The following HDGFL2 variants were observed in gnomAD, a reference collection of about 807,000 sequenced individuals.
HDGFL2 encodes the protein HDGF like 2.
HDGFL2 carries 36 observed loss-of-function variants against 77.1 expected under a neutral mutation model. That is an observed-to-expected ratio of 0.47 (90% CI 0.36 to 0.62). HDGFL2 has a LOEUF of 0.62. Among genes scored for constraint, HDGFL2 ranks in the 20% least tolerant of loss-of-function variants. The pLI is 0.00. For synonymous variants in HDGFL2, 463 were observed against 413.1 expected (o/e 1.12, Z -1.46); for missense variants, 976 against 973.4 (o/e 1.00, Z -0.04).
At chr19:4,492,214 TCGA>T (rs1226390840) in intron 6 of HDGFL2, among the ~76,000 whole-genome samples, 4 of 152,092 alleles carry the variant, frequency 2.6e-5, no homozygotes, top group Non-Finnish European at 4.4e-5. Flanking sequence ...TGCACGTGTG[TCGA>T]CGTGCATGTG....
intron 1 of HDGFL2, chr19:4,474,997 G>T: frequency 4.7e-6 from 2 of 428,640 alleles, no homozygotes; most frequent in Non-Finnish European, 8.5e-6. Flanking sequence ...CCACCCCCTG[G>T]TTGCTTCAGA....
intron 3 of HDGFL2, among the ~76,000 whole-genome samples, chr19:4,485,340 C>A (rs1445071514): frequency 6.6e-6 from 1 of 152,150 alleles, no homozygotes; most frequent in Non-Finnish European, 1.5e-5. Context: ...GGGTCAGAGC[C>A]TCGTTTCTTT....
Position 4,494,234 on chromosome 19 carries a change from A to T in HDGFL2, c.983A>T (p.Glu328Val). The change falls in exon 9 of 16, where the codon GAG (glutamate) becomes GTG (valine). Residue 328 changes from glutamate (E) to valine (V), a missense_variant. Glu to Val is a moderately radical substitution (Grantham distance 121). This residue lies in a region of HDGFL2 where 567 missense variants were observed against 534.7 expected (regional missense o/e 1.06). Coordinates refer to ENST00000616600, the MANE Select transcript of HDGFL2 (RefSeq NM_001001520.3). ...GACGAGGCGCGGAGGCGCGAGCTGG[A>T]GGCCCGGCGGCGGCGAGAGCAGGAG... ...RRDEARRREL[E>V]ARRRREQEEE... 1 of 1,461,854 alleles carries T rather than the reference A, an allele frequency of 6.8e-7. No individual in the cohort carries two copies. The highest frequency in any genetic ancestry group is 9.0e-7 in the Non-Finnish European group (1 of 1,110,630). The allele number at this position is 1,461,854 out of a possible 1,614,324, so 90.6% of individuals were successfully genotyped here.
intron 3 of HDGFL2, among the ~76,000 whole-genome samples, chr19:4,483,558 T>G (rs551325936): frequency 1.3e-5 from 2 of 152,222 alleles, no homozygotes; most frequent in Admixed American, 1.3e-4. Context: ...CACCGTGTAC[T>G]CCCTGCTCCC....
chr19:4,479,380 G>C (rs566675289), intron 3 of HDGFL2, among the ~76,000 whole-genome samples: 1 of 150,950 alleles, frequency 6.6e-6, no homozygotes, highest in Non-Finnish European at 1.5e-5. Context: ...TCAGGTGATC[G>C]AGACCATCCT....
chr19:4,490,392 T>G (rs1975476270), intron 4 of HDGFL2, among the ~76,000 whole-genome samples: 1 of 152,224 alleles, frequency 6.6e-6, no homozygotes, highest in African/African-American at 2.4e-5. Context: ...GCTGCCTCCC[T>G]TCCTTTTCCT....
Position 4,494,055 on chromosome 19 carries a change from C to T in HDGFL2, c.912C>T (p.Asp304=), listed in dbSNP as rs1351309982. The T allele has an allele frequency of 6.2e-7, 1 of 1,605,306 alleles. No homozygotes were observed. Among genetic ancestry groups the T allele is most frequent in the South Asian group, 1.1e-5 (1 of 89,696 alleles). Residue 304 remains aspartate (D), a splice_region_variant and synonymous_variant, in exon 8 of 16, where the codon GAC becomes GAT. Coordinates refer to ENST00000616600, the MANE Select transcript of HDGFL2 (RefSeq NM_001001520.3). The part of the protein sequence containing the change: ...PERPPSSSSS[D]SDSDEVDRIS... Reference sequence around the variant, plus strand: ...GGCCTCCGTCCAGCTCCAGCAGTGACAGGTGGGTGCTGGGGCTGGGGTCCC... The same window carrying T: ...GGCCTCCGTCCAGCTCCAGCAGTGATAGGTGGGTGCTGGGGCTGGGGTCCC...
Position 4,502,196 on chromosome 19 carries a change from T to A in HDGFL2, c.*186T>A. ...ACATGAAATGACTATAAATGGTTTT[T>A]TAATGAAAAAAGAAATCACTTTTAT... is the stretch of plus-strand genomic sequence containing the variant. On this transcript the variant is annotated 3_prime_UTR_variant, in exon 16 of 16. Transcript: ENST00000616600. 1 of 671,848 alleles carries A rather than the reference T, an allele frequency of 1.5e-6. No individual in the cohort carries two copies. The highest frequency in any genetic ancestry group is 2.7e-6 in the Non-Finnish European group (1 of 376,874). 41.6% of individuals were successfully genotyped at this position (671,848 alleles called of 1,614,324 possible).
intron 10 of HDGFL2, 59 bp downstream of exon 10, chr19:4,496,464 A>G: frequency 1.6e-6 from 2 of 1,288,322 alleles, no homozygotes; most frequent in Non-Finnish European, 2.2e-6. Context: ...TCACCCCACA[A>G]CCCTCACCCC....
At position 4,475,524 on chromosome 19, in the gene HDGFL2, T is replaced by C; in HGVS notation, c.229T>C (p.Phe77Leu). 1 of 1,602,742 alleles carries C rather than the reference T, an allele frequency of 6.2e-7. No homozygotes were observed. Among genetic ancestry groups the C allele is most frequent in the Non-Finnish European group, 8.5e-7 (1 of 1,177,112 alleles). ...KYGKPNKRKG[F>L]NEGLWEIQNN... ...CGGGAAGCCCAACAAGAGGAAAGGCTTCAATGAAGGGCTGTGGGAGATCCA... is the reference window on the plus strand; with the variant it reads ...CGGGAAGCCCAACAAGAGGAAAGGCCTCAATGAAGGGCTGTGGGAGATCCA... Residue 77 changes from phenylalanine (F) to leucine (L), a missense_variant, in exon 3 of 16, where the codon TTC becomes CTC. By Grantham distance (22) the Phe-to-Leu change is conservative. Coordinates refer to ENST00000616600, the MANE Select transcript of HDGFL2 (RefSeq NM_001001520.3).
intron 9 of HDGFL2, among the ~76,000 whole-genome samples, chr19:4,495,713 G>A (rs1220899816): frequency 6.6e-6 from 1 of 152,132 alleles, no homozygotes. Context: ...TCACTCGGGT[G>A]CTCTCGGGTG....
In HDGFL2 at chr19:4,493,857, A is replaced by G; in HGVS notation, c.833A>G (p.Lys278Arg). 1.3e-6 allele frequency: 2 copies of G among 1,507,082 alleles called. No individual in the cohort carries two copies. The highest frequency in any genetic ancestry group is 1.8e-6 in the Non-Finnish European group (2 of 1,121,180). The allele number at this position is 1,507,082 out of a possible 1,614,324, so 93.4% of individuals were successfully genotyped here. A position where few individuals can be genotyped will look rare whatever the true frequency, so the allele number is the denominator to read the frequency against. Reference protein sequence around the residue: ...VSVKKPPRGRKPAEKPLPKPR... With the variant: ...VSVKKPPRGRRPAEKPLPKPR... Reference sequence around the variant, plus strand: ...GTGAAGAAGCCTCCGAGGGGCAGGAAGCCAGGTAGGGCCCTCGTGCTCGCA... The same window carrying G: ...GTGAAGAAGCCTCCGAGGGGCAGGAGGCCAGGTAGGGCCCTCGTGCTCGCA... Residue 278 changes from lysine (K) to arginine (R), a missense_variant, in exon 7 of 16, where the codon AAG (lysine) becomes AGG (arginine). This residue lies in a region of HDGFL2 where 567 missense variants were observed against 534.7 expected (regional missense o/e 1.06). Transcript: ENST00000616600.
intron 6 of HDGFL2, among the ~76,000 whole-genome samples, chr19:4,492,608 G>C (rs1975547816): frequency 6.6e-6 from 1 of 151,196 alleles, no homozygotes; most frequent in Admixed American, 6.6e-5. Flanking sequence ...TGTTGTCTGT[G>C]TGTTATCTGT....
intron 13 of HDGFL2, 42 bp from the exon 14 acceptor site, chr19:4,499,449 C>T (rs763367519): frequency 4.4e-6 from 7 of 1,582,524 alleles, no homozygotes; most frequent in East Asian, 4.5e-5. Flanking sequence ...GGGCTAGGGC[C>T]GCTGCACTTG....
chr19:4,490,540 G>A (rs1975479930), intron 4 of HDGFL2, among the ~76,000 whole-genome samples: 1 of 152,216 alleles, frequency 6.6e-6, no homozygotes, highest in Admixed American at 6.6e-5. Context: ...TTGTGCAGAT[G>A]TGTGTGTTCC....
At chr19:4,479,930 C>T (rs957644544) in intron 3 of HDGFL2, among the ~76,000 whole-genome samples, 2 of 149,844 alleles carry the variant, frequency 1.3e-5, no homozygotes, top group East Asian at 3.9e-4. Context: ...AAAAAATTTG[C>T]TTAGATGCCC....
chr19:4,484,953 G>T (rs1404596085), intron 3 of HDGFL2, among the ~76,000 whole-genome samples: 1 of 151,982 alleles, frequency 6.6e-6, no homozygotes, highest in Non-Finnish European at 1.5e-5. Flanking sequence ...TTACAGGCAT[G>T]AGCCACCGTG....
At chr19:4,489,064 C>G (rs1010172344) in intron 4 of HDGFL2, among the ~76,000 whole-genome samples, 188 bp downstream of exon 4, 1 of 149,194 alleles carries the variant, frequency 6.7e-6, no homozygotes, top group Non-Finnish European at 1.5e-5. Flanking sequence ...AGCAATTCTT[C>G]TGCCTCAGCC....
At chr19:4,498,183 C>A in intron 11 of HDGFL2, 123 bp from the exon 12 acceptor site, 1 of 1,146,882 alleles carries the variant, frequency 8.7e-7, no homozygotes, top group Non-Finnish European at 1.3e-6. Context: ...GGGGTGGGGG[C>A]TGAGCCTGCA....
Sources: allele counts gnomAD v4.1 joint callset (sites outside exome capture counted in the v4.1 genomes callset), GRCh38; gene constraint gnomAD v4.1.1; regional missense constraint gnomAD v4.1.1; transcripts MANE v1.5; gene names NCBI Gene and HGNC (gene_info 2026-07-23, HGNC 2026-07-21).